YIPF1: variants seen among roughly 807,000 people sequenced by gnomAD.
YIPF1 encodes the protein protein YIPF1.
A neutral mutation model predicts 37.0 loss-of-function variants in YIPF1; 22 were observed. The observed-to-expected ratio is 0.59, with a 90% CI of 0.42 to 0.85. The LOEUF (loss-of-function observed/expected upper bound fraction) is 0.85. Among genes scored for constraint, YIPF1 ranks in the 40% least tolerant of loss-of-function variants. The pLI is 0.00. For synonymous variants in YIPF1, 128 were observed against 131.9 expected (o/e 0.97, Z 0.21); for missense variants, 355 against 373.1 (o/e 0.95, Z 0.40).
At chr1:53,859,193 C>T (rs1293519000) in intron 10 of YIPF1, among the ~76,000 whole-genome samples, 1 of 152,078 alleles carries the variant, frequency 6.6e-6, no homozygotes, top group Admixed American at 6.6e-5. Flanking sequence ...TTGTTCTTGT[C>T]GAGCTGAGCC....
chr1:53,857,736 C>T (rs940339438), intron 10 of YIPF1, among the ~76,000 whole-genome samples: 3 of 152,154 alleles, frequency 2.0e-5, no homozygotes, highest in South Asian at 2.1e-4. Flanking sequence ...AATCCCAGCA[C>T]TGTGGGAGGC....
chr1:53,875,882 T>C (rs182318850), intron 6 of YIPF1, among the ~76,000 whole-genome samples: 23 of 152,360 alleles, frequency 1.5e-4, no homozygotes, highest in African/African-American at 4.8e-4. Context: ...ATGTCCTTCT[T>C]CTCTCTGCTA....
chr1:53,871,236 T>G, intron 7 of YIPF1, 136 bp downstream of exon 7: 3 of 671,806 alleles, frequency 4.5e-6, no homozygotes, highest in Non-Finnish European at 7.9e-6. Flanking sequence ...TCTACACATT[T>G]GAGTAGATAC....
intron 9 of YIPF1, among the ~76,000 whole-genome samples, chr1:53,862,353 G>A (rs899365037): frequency 6.6e-6 from 1 of 152,108 alleles, no homozygotes; most frequent in African/African-American, 2.4e-5. Flanking sequence ...TCTATGTCCG[G>A]TCCGGATCTA....
chr1:53,856,520 T>C (rs1255159349), intron 10 of YIPF1, among the ~76,000 whole-genome samples: 2 of 152,142 alleles, frequency 1.3e-5, no homozygotes. Flanking sequence ...CTTATCATGG[T>C]TCCCCTGTAC....
rs553117041 is a variant in YIPF1 at position 53,864,591 on chromosome 1, C to CTTTTGGCCT, written c.831+1608_831+1609insAGGCCAAAA. ...TAAAGATCAAATGATGCCAAAGAAA[C>CTTTTGGCCT]ATTTACTCCTAAAATTGCAAAACCT... On this transcript the variant is annotated intron_variant, in intron 9 of 10. Coordinates refer to ENST00000072644, the MANE Select transcript of YIPF1 (RefSeq NM_018982.5). 8.6e-3 allele frequency among the ~76,000 whole-genome samples: 1,317 copies of CTTTTGGCCT among 152,300 alleles called. 22 individuals carry two copies. Among genetic ancestry groups the CTTTTGGCCT allele is most frequent in the African/African-American group, 0.03 (1,248 of 41,570 alleles).
chr1:53,881,168 C>T (rs1258441917), intron 4 of YIPF1, among the ~76,000 whole-genome samples: 1 of 144,538 alleles, frequency 6.9e-6, no homozygotes, highest in African/African-American at 2.6e-5. Context: ...GAGGCTGAGG[C>T]AGGAGAATCG....
intron 7 of YIPF1, 34 bp from the exon 8 acceptor site, chr1:53,866,958 T>TA (rs969574355): frequency 5.0e-6 from 8 of 1,588,764 alleles, no homozygotes; most frequent in South Asian, 3.5e-5. Flanking sequence ...TCAATCTCCA[T>TA]CATGCCTTTA....
intron 10 of YIPF1, among the ~76,000 whole-genome samples, chr1:53,859,847 A>G (rs544582512): frequency 1.3e-3 from 193 of 152,318 alleles, no homozygotes; most frequent in African/African-American, 4.3e-3. Context: ...ATCCAACTCT[A>G]TAAAGCCAGT....
At position 53,864,051 on chromosome 1, in the gene YIPF1, T is replaced by C. The variant is rs537779573; in HGVS notation, c.831+2149A>G. Among the ~76,000 whole-genome samples, 3 of 152,026 alleles carry C rather than the reference T, an allele frequency of 2.0e-5. No individual in the cohort carries two copies. In the South Asian group the frequency reaches 6.2e-4, roughly 32 times the overall value. On this transcript the variant is annotated intron_variant, in intron 9 of 10. Transcript: ENST00000072644. Reference sequence around the variant, plus strand: ...GCCACCAAGCCTGGCCTGAAGTGGGTTCTTAATAATAACCATAATAGCTCC... The same window carrying C: ...GCCACCAAGCCTGGCCTGAAGTGGGCTCTTAATAATAACCATAATAGCTCC...
At chr1:53,867,497 C>T (rs992508820) in intron 7 of YIPF1, among the ~76,000 whole-genome samples, 12 of 151,918 alleles carry the variant, frequency 7.9e-5, no homozygotes, top group Middle Eastern at 3.4e-3. Flanking sequence ...CTCAGCCTCC[C>T]GAGTAGCTGG....
At chr1:53,883,693 T>A (rs1018402) in intron 3 of YIPF1, among the ~76,000 whole-genome samples, 94,352 of 152,132 alleles carry the variant, frequency 0.62, 29,864 homozygotes, top group East Asian at 0.86. Context: ...ATGAAGGTTA[T>A]TTTTTCCAGT....
chr1:53,871,012 C>CAAAAAAAAAAAA (rs57949076), intron 7 of YIPF1, among the ~76,000 whole-genome samples: 1 of 65,268 alleles, frequency 1.5e-5, no homozygotes, highest in Non-Finnish European at 2.9e-5. Context: ...GTCACTGTCT[C>CAAAAAAAAAAAA]AAAAAAAAAA....
chr1:53,887,896 G>T (rs984703704), intron 3 of YIPF1, among the ~76,000 whole-genome samples: 4 of 152,164 alleles, frequency 2.6e-5, no homozygotes, highest in Admixed American at 6.5e-5. Context: ...TTAGAACAGT[G>T]CCTGACATAT....
chr1:53,872,613 T>G (rs1423778695), intron 6 of YIPF1, among the ~76,000 whole-genome samples: 2 of 152,248 alleles, frequency 1.3e-5, no homozygotes, highest in African/African-American at 4.8e-5. Flanking sequence ...TGAATTTCAT[T>G]TTTCAATTTC....
At chr1:53,876,053 T>A (rs1008904737) in intron 6 of YIPF1, among the ~76,000 whole-genome samples, 1 of 152,242 alleles carries the variant, frequency 6.6e-6, no homozygotes, top group African/African-American at 2.4e-5. Flanking sequence ...GTTTGTTGAA[T>A]GAATTGAATG....
intron 10 of YIPF1, among the ~76,000 whole-genome samples, chr1:53,856,041 A>C (rs1280785648): frequency 6.6e-6 from 1 of 152,226 alleles, no homozygotes; most frequent in Non-Finnish European, 1.5e-5. Flanking sequence ...ATGACAGTAG[A>C]AGGCACAGCC....
intron 3 of YIPF1, 132 bp from the exon 4 acceptor site, chr1:53,883,408 T>C (rs1331022312): frequency 2.0e-6 from 2 of 993,300 alleles, no homozygotes; most frequent in Non-Finnish European, 1.3e-6. Context: ...GGCAAAAGCT[T>C]TGAAAAACAA....
intron 3 of YIPF1, among the ~76,000 whole-genome samples, chr1:53,887,704 G>T (rs1251213772): frequency 6.6e-6 from 1 of 152,094 alleles, no homozygotes; most frequent in Non-Finnish European, 1.5e-5. Flanking sequence ...CTCTTCCTTA[G>T]ATAACAGAGA....
Sources: gnomAD v4.1 joint callset for allele counts (sites outside exome capture counted in the v4.1 genomes callset) on GRCh38, gnomAD v4.1.1 for gene constraint, MANE v1.5 for transcripts, NCBI Gene and HGNC (gene_info 2026-07-23, HGNC 2026-07-21) for gene names.